HECW2: variants seen among roughly 807,000 people sequenced by gnomAD.
HECW2 encodes E3 ubiquitin-protein ligase HECW2.
Under a neutral mutation model 175.2 loss-of-function variants are expected in HECW2, and 61 were observed. The ratio of observed to expected loss-of-function variants is 0.35; its 90% confidence interval spans 0.28 to 0.43. HECW2 has a LOEUF of 0.43. Ranked by LOEUF, HECW2 falls within the 20% of genes least tolerant of loss-of-function variation. The pLI is 1.00. For missense variants in HECW2, 1,524 were observed against 2,000.5 expected (o/e 0.76, Z 4.54); for synonymous variants, 671 against 731.0 (o/e 0.92, Z 1.32).
chr2:196,333,674 C>A (rs571042390), intron 4 of HECW2, among the ~76,000 whole-genome samples: 3 of 152,294 alleles, frequency 2.0e-5, no homozygotes, highest in South Asian at 4.1e-4. Context: ...TGAGTCCAAC[C>A]ACCCATATAC....
In HECW2 at chr2:196,303,052, G is replaced by T. The variant is rs551756325; in HGVS notation, c.2814+3436C>A. 3.3e-3 allele frequency among the ~76,000 whole-genome samples: 507 copies of T among 152,304 alleles called. 5 individuals carry two copies. The highest frequency in any genetic ancestry group is 0.011 in the African/African-American group (466 of 41,560). ...TCAGCATGACACTGGATGTTGGTTT[G>T]CCATATATGGCTCTTATTACTTTGA... is the stretch of plus-strand genomic sequence containing the variant. On this transcript the variant is annotated intron_variant, in intron 13 of 28. Coordinates refer to ENST00000644978, the MANE Select transcript of HECW2 (RefSeq NM_001348768.2).
chr2:196,240,712 C>T, intron 20 of HECW2, 150 bp from the exon 21 acceptor site: 1 of 797,460 alleles, frequency 1.3e-6, no homozygotes, highest in Non-Finnish European at 1.8e-6. Flanking sequence ...ATAAAGTACA[C>T]ATTTGTCTTG....
chr2:196,468,258 G>C (rs1697044438), intron 1 of HECW2, among the ~76,000 whole-genome samples: 1 of 152,358 alleles, frequency 6.6e-6, no homozygotes, highest in East Asian at 1.9e-4. Flanking sequence ...GCCTCCCAAA[G>C]TGTTATGATT....
chr2:196,405,427 C>T (rs1694942571), intron 2 of HECW2, among the ~76,000 whole-genome samples: 1 of 152,138 alleles, frequency 6.6e-6, no homozygotes, highest in South Asian at 2.1e-4. Flanking sequence ...CCTCTAGCTC[C>T]CCACCACTTT....
At chr2:196,575,834 A>G (rs1178720411) in intron 1 of HECW2, among the ~76,000 whole-genome samples, 1 of 151,790 alleles carries the variant, frequency 6.6e-6, no homozygotes, top group Non-Finnish European at 1.5e-5. Context: ...AGGAAGCAAG[A>G]GAGCTGCCAA....
intron 1 of HECW2, among the ~76,000 whole-genome samples, chr2:196,456,863 C>T (rs1219011457): frequency 2.0e-5 from 3 of 152,298 alleles, no homozygotes; most frequent in African/African-American, 7.2e-5. Context: ...GTAAAAGATG[C>T]TACAAATTTA....
At chr2:196,397,139 A>AAAAACAAAAC (rs1559086776) in intron 2 of HECW2, among the ~76,000 whole-genome samples, 2 of 17,292 alleles carry the variant, frequency 1.2e-4, no homozygotes, top group African/African-American at 2.7e-4. Flanking sequence ...CAAAACAAAA[A>AAAAACAAAAC]AAAAAAAAAC....
chr2:196,317,582 C>T (rs569263358), intron 9 of HECW2, among the ~76,000 whole-genome samples: 10 of 152,132 alleles, frequency 6.6e-5, no homozygotes, highest in East Asian at 1.9e-4. Context: ...ATGTATCCCC[C>T]GCTCCTGCAG....
At chr2:196,331,276 C>T in intron 4 of HECW2, 1 of 984,916 alleles carries the variant, frequency 1.0e-6, no homozygotes. Flanking sequence ...TATTGTACTC[C>T]TCTGACTCAG....
rs576635372 is a variant in HECW2 at position 196,308,701 on chromosome 2, C to T, written c.2435-616G>A. Among the ~76,000 whole-genome samples the T allele has an allele frequency of 1.2e-4, 19 of 152,232 alleles. No individual in the cohort carries two copies. The East Asian group carries it at 3.1e-3, about 25-fold the overall frequency. On this transcript the variant is annotated intron_variant, in intron 10 of 28. Transcript: ENST00000644978. ...GCTTCCCAACCTCAAATAAACATAACGTTTTAAAAGATTAATTTTATTTTT... is the reference window on the plus strand; with the variant it reads ...GCTTCCCAACCTCAAATAAACATAATGTTTTAAAAGATTAATTTTATTTTT...
intron 1 of HECW2, chr2:196,586,689 C>G (rs1239544941): frequency 4.2e-5 from 2 of 47,758 alleles, no homozygotes; most frequent in Admixed American, 2.4e-4. Flanking sequence ...GCCCAGTACC[C>G]TGTCAGTTCT....
At chr2:196,570,291 T>C (rs1690338516) in intron 1 of HECW2, among the ~76,000 whole-genome samples, 2 of 152,264 alleles carry the variant, frequency 1.3e-5, no homozygotes, top group South Asian at 4.1e-4. Context: ...TCTCAGATTA[T>C]AATGAACATA....
Position 196,271,190 on chromosome 2 carries a change from T to C in HECW2, c.3335+3A>G. 1 of 1,551,002 alleles carries C rather than the reference T, an allele frequency of 6.4e-7. No individual in the cohort carries two copies. Among genetic ancestry groups the C allele is most frequent in the Non-Finnish European group, 8.9e-7 (1 of 1,122,938 alleles). ...TTGAACCAAATACCAATATTATTGT[T>C]ACCTGAGTGAGTGATTCCTGGTAAG... On this transcript the variant is annotated splice_donor_region_variant and intron_variant, in intron 17 of 28. Transcript: ENST00000644978.
At chr2:196,549,274 T>C (rs956093433) in intron 1 of HECW2, among the ~76,000 whole-genome samples, 1 of 152,234 alleles carries the variant, frequency 6.6e-6, no homozygotes, top group Admixed American at 6.5e-5. Flanking sequence ...CTGGGACCCC[T>C]GTATGCGCTT....
At chr2:196,521,035 G>C (rs1688351853) in intron 1 of HECW2, among the ~76,000 whole-genome samples, 1 of 152,118 alleles carries the variant, frequency 6.6e-6, no homozygotes, top group South Asian at 2.1e-4. Flanking sequence ...ACTAGGGTGG[G>C]TTCAGATCAG....
intron 15 of HECW2, among the ~76,000 whole-genome samples, chr2:196,275,841 G>C (rs1368162672): frequency 6.6e-6 from 1 of 152,140 alleles, no homozygotes; most frequent in Non-Finnish European, 1.5e-5. Context: ...CAGGTGTTTG[G>C]TGTTAACTTG....
intron 17 of HECW2, 89 bp downstream of exon 17, chr2:196,271,104 G>T: frequency 1.3e-6 from 1 of 792,986 alleles, no homozygotes; most frequent in Middle Eastern, 2.9e-4. Flanking sequence ...CAGAAAGAAA[G>T]AATAAATTTC....
At position 196,418,303 on chromosome 2, in the gene HECW2, T is replaced by C. The variant is rs185561640; in HGVS notation, c.292+14829A>G. Among the ~76,000 whole-genome samples, 464 of 152,222 alleles carry C rather than the reference T, an allele frequency of 3.0e-3. 1 individual carries two copies. The highest frequency in any genetic ancestry group is 0.024 in the Middle Eastern group (7 of 294). On this transcript the variant is annotated intron_variant, in intron 2 of 28. Coordinates refer to ENST00000644978, the MANE Select transcript of HECW2 (RefSeq NM_001348768.2). ...GCCACCACACCCAGCTAATTTTTTG[T>C]ATTTTTAGAAGAGACGGGGTTTCAC...
chr2:196,296,313 T>C (rs1351265898), intron 13 of HECW2, among the ~76,000 whole-genome samples: 1 of 152,198 alleles, frequency 6.6e-6, no homozygotes, highest in Non-Finnish European at 1.5e-5. Context: ...AACTGTAATA[T>C]GGGATAATAA....
Sources: gnomAD v4.1 joint callset for allele counts (sites outside exome capture counted in the v4.1 genomes callset) on GRCh38, gnomAD v4.1.1 for gene constraint, MANE v1.5 for transcripts, NCBI Gene and HGNC (gene_info 2026-07-23, HGNC 2026-07-21) for gene names.